SEPTIN9: variants seen among roughly 807,000 people sequenced by gnomAD.
SEPTIN9 encodes the protein septin 9.
Under a neutral mutation model 56.6 loss-of-function variants are expected in SEPTIN9, and 13 were observed. The ratio of observed to expected loss-of-function variants is 0.23; its 90% CI spans 0.15 to 0.37. The LOEUF (loss-of-function observed/expected upper bound fraction) is 0.37. Among genes scored for constraint, SEPTIN9 ranks in the 10% least tolerant of loss-of-function variants. SEPTIN9 has a pLI of 1.00. For synonymous variants in SEPTIN9, 332 were observed against 334.1 expected, an observed-to-expected ratio of 0.99 and a Z score of 0.07; for missense variants, 650 against 823.1, an observed-to-expected ratio of 0.79 and a Z score of 2.57.
At chr17:77,484,601 G>GTGGTGGTGA (rs1555678562) in intron 4 of SEPTIN9, among the ~76,000 whole-genome samples, 1 of 34,066 alleles carries the variant, frequency 2.9e-5, no homozygotes, top group East Asian at 8.4e-4. Flanking sequence ...AATTGTGATG[G>GTGGTGGTGA]TGGTGGTGAT....
chr17:77,388,710 C>T (rs764891702), intron 2 of SEPTIN9, among the ~76,000 whole-genome samples: 3 of 150,666 alleles, frequency 2.0e-5, no homozygotes, highest in Non-Finnish European at 4.4e-5. Context: ...CATATTGGCT[C>T]GGGCAGAGGC....
chr17:77,452,162 G>A (rs2038001278), intron 3 of SEPTIN9, among the ~76,000 whole-genome samples: 1 of 152,212 alleles, frequency 6.6e-6, no homozygotes, highest in African/African-American at 2.4e-5. Context: ...GCTGGTCTGC[G>A]TGTGCTTTGC....
intron 3 of SEPTIN9, among the ~76,000 whole-genome samples, chr17:77,413,024 G>A (rs1008469200): frequency 9.9e-5 from 15 of 152,194 alleles, no homozygotes; most frequent in East Asian, 1.9e-4. Context: ...TTTCAGCAGC[G>A]AGGTAGGGGT....
At chr17:77,443,328 CT>C (rs1317956941) in intron 3 of SEPTIN9, among the ~76,000 whole-genome samples, 1 of 152,120 alleles carries the variant, frequency 6.6e-6, no homozygotes, top group Non-Finnish European at 1.5e-5. Context: ...GGGGCCATTG[CT>C]GATCTACAAA....
Position 77,437,795 on chromosome 17 carries a change from C to A in SEPTIN9, c.721+35092C>A, listed in dbSNP as rs1312829765. 6.6e-6 allele frequency among the ~76,000 whole-genome samples: 1 copy of A among 152,226 alleles called. No homozygotes were observed. Among genetic ancestry groups the A allele is most frequent in the East Asian group, 1.9e-4 (1 of 5,194 alleles). ...AGGACTTTCTGCTGCCCCCCAACCCCTTTCGGGTACATTCTCCTGTAGCCC... is the reference window on the plus strand; with the variant it reads ...AGGACTTTCTGCTGCCCCCCAACCCATTTCGGGTACATTCTCCTGTAGCCC... On this transcript the variant is annotated intron_variant, in intron 3 of 11. Coordinates refer to ENST00000427177, the MANE Select transcript of SEPTIN9 (RefSeq NM_001113491.2). The surrounding 1 kb of genome is among the most constrained non-coding windows in gnomAD (Gnocchi z 5.3).
chr17:77,408,000 C>T (rs1313243394), intron 3 of SEPTIN9, among the ~76,000 whole-genome samples: 4 of 151,416 alleles, frequency 2.6e-5, no homozygotes, highest in African/African-American at 9.7e-5. Context: ...CCCTCCGGCT[C>T]CTCAGCCACA....
At position 77,450,709 on chromosome 17, in the gene SEPTIN9, C is replaced by G. The variant is rs143934204; in HGVS notation, c.722-31435C>G. 4.4e-3 allele frequency: 4,336 copies of G among 986,254 alleles called. 8 individuals are homozygous for G. The highest frequency in any genetic ancestry group is 4.9e-3 in the Non-Finnish European group (4,087 of 830,676). The allele number at this position is 986,254 out of a possible 1,614,324, so 61.1% of individuals were successfully genotyped here. ...AAGAGACTGACTCACTGGCCAGGTCCCCCAGGGGCTGGAGAGGCTGGAGAG... is the reference window on the plus strand; with the variant it reads ...AAGAGACTGACTCACTGGCCAGGTCGCCCAGGGGCTGGAGAGGCTGGAGAG... On this transcript the variant is annotated intron_variant, in intron 3 of 11. Coordinates refer to ENST00000427177, the MANE Select transcript of SEPTIN9 (RefSeq NM_001113491.2). The surrounding 1 kb of genome is among the most constrained non-coding windows in gnomAD (Gnocchi z 6.0).
chr17:77,281,499 G>T lies in SEPTIN9; in HGVS notation c.-37G>T. On this transcript the variant is annotated 5_prime_UTR_variant, in exon 1 of 12. Coordinates refer to ENST00000427177, the MANE Select transcript of SEPTIN9 (RefSeq NM_001113491.2). Reference sequence around the variant, plus strand: ...GGAGCGCGCGCCCCGCTGCCTCGCCGCCACACTTTCCTGGGAGCGGCGGCC... The same window carrying T: ...GGAGCGCGCGCCCCGCTGCCTCGCCTCCACACTTTCCTGGGAGCGGCGGCC... 1 of 1,545,220 alleles carries T rather than the reference G, an allele frequency of 6.5e-7. No homozygotes were observed.
chr17:77,364,465 G>A (rs1301330933), intron 2 of SEPTIN9, among the ~76,000 whole-genome samples: 1 of 152,280 alleles, frequency 6.6e-6, no homozygotes, highest in East Asian at 1.9e-4. Flanking sequence ...ATTTGGCTGT[G>A]AACGTCGGTG....
intron 3 of SEPTIN9, among the ~76,000 whole-genome samples, chr17:77,419,400 A>T (rs2036616924): frequency 6.6e-6 from 1 of 152,094 alleles, no homozygotes; most frequent in South Asian, 2.1e-4. Context: ...CCTGTGCCCC[A>T]GCTGACCCCT....
At chr17:77,356,680 T>TA in intron 2 of SEPTIN9, among the ~76,000 whole-genome samples, 1 of 18,198 alleles carries the variant, frequency 5.5e-5, no homozygotes, top group Non-Finnish European at 9.9e-5. Flanking sequence ...CCCCCTCCCC[T>TA]CCCCCCCCAC....
At chr17:77,408,305 T>A (rs570959271) in intron 3 of SEPTIN9, among the ~76,000 whole-genome samples, 2 of 152,246 alleles carry the variant, frequency 1.3e-5, no homozygotes, top group East Asian at 3.9e-4. Flanking sequence ...GAGTCCACAG[T>A]GGTTCTGGGG....
chr17:77,452,112 G>A (rs1175562739), intron 3 of SEPTIN9, among the ~76,000 whole-genome samples: 1 of 152,200 alleles, frequency 6.6e-6, no homozygotes, highest in Non-Finnish European at 1.5e-5. Context: ...TGTGCAGGGC[G>A]TTCCTGGGAG....
At chr17:77,415,292 A>C (rs1183612173) in intron 3 of SEPTIN9, among the ~76,000 whole-genome samples, 7 of 152,118 alleles carry the variant, frequency 4.6e-5, no homozygotes, top group Non-Finnish European at 1.0e-4. Context: ...GCGGATCTCC[A>C]TGCCGGTAAT....
Position 77,499,278 on chromosome 17 carries a change from C to A in SEPTIN9, c.*620C>A. ...CCCCTGGCAGCTGCCCCTCCTGGAG[C>A]AGAAAGTGCCTTTATCTCAGCCATC... On this transcript the variant is annotated 3_prime_UTR_variant, in exon 12 of 12. Transcript: ENST00000427177. 1.7e-6 allele frequency: 1 copy of A among 598,038 alleles called. No individual in the cohort carries two copies. Among genetic ancestry groups the A allele is most frequent in the Non-Finnish European group, 3.2e-6 (1 of 309,012 alleles). The allele number at this position is 598,038 out of a possible 1,614,324, so 37.0% of individuals were successfully genotyped here.
Position 77,371,161 on chromosome 17 carries a change from T to G in SEPTIN9, c.77-30898T>G, listed in dbSNP as rs1215704776. Among the ~76,000 whole-genome samples, 1 of 152,190 alleles carries G rather than the reference T, an allele frequency of 6.6e-6. No individual in the cohort carries two copies. Among genetic ancestry groups the G allele is most frequent in the Non-Finnish European group, 1.5e-5 (1 of 68,034 alleles). Reference sequence around the variant, plus strand: ...GGGAACCTCCTTACCTGGAGGTTTCTAGGCCTGGTCATGTGGCTCTGAGTG... The same window carrying G: ...GGGAACCTCCTTACCTGGAGGTTTCGAGGCCTGGTCATGTGGCTCTGAGTG... On this transcript the variant is annotated intron_variant, in intron 2 of 11. Transcript: ENST00000427177. This position sits in a 1 kb window ranked among gnomAD's most constrained non-coding sequence, Gnocchi z 4.1.
intron 3 of SEPTIN9, among the ~76,000 whole-genome samples, chr17:77,469,933 A>C (rs567440692): frequency 1.5e-4 from 22 of 146,712 alleles, no homozygotes; most frequent in Non-Finnish European, 9.0e-5. Flanking sequence ...CTATCCATCC[A>C]CTCATCCACC....
chr17:77,314,039 A>C (rs949985030), intron 2 of SEPTIN9, among the ~76,000 whole-genome samples: 2 of 152,154 alleles, frequency 1.3e-5, no homozygotes, highest in Non-Finnish European at 2.9e-5. Flanking sequence ...GTCTTGACTA[A>C]AAATACAAAA....
chr17:77,332,307 G>A (rs9674789), intron 2 of SEPTIN9, among the ~76,000 whole-genome samples: 87,374 of 150,864 alleles, frequency 0.58, 25,955 homozygotes, highest in East Asian at 0.98. Flanking sequence ...CCACAAAAAA[G>A]AAACCATGAA....
Sources: gnomAD v4.1 joint callset for allele counts (sites outside exome capture counted in the v4.1 genomes callset) on GRCh38, gnomAD v4.1.1 for gene constraint, Gnocchi (gnomAD v3.1) non-coding constraint, MANE v1.5 for transcripts, NCBI Gene and HGNC (gene_info 2026-07-23, HGNC 2026-07-21) for gene names.